CHN2: variants seen among roughly 807,000 people sequenced by gnomAD.
The protein encoded by CHN2 is beta-chimaerin.
CHN2 carries 35 observed loss-of-function variants against 56.3 expected under a neutral mutation model. That is an observed-to-expected ratio of 0.62 (90% CI 0.47 to 0.82). The LOEUF is 0.82. CHN2 is among the 40% of genes least tolerant of loss of function. The probability of loss-of-function intolerance (pLI) is 0.00; values close to 1 mark genes in which losing one functional copy is unlikely to be tolerated. For synonymous variants in CHN2, 210 were observed against 212.8 expected (o/e 0.99, Z 0.12); for missense variants, 491 against 580.5 (o/e 0.85, Z 1.58).
chr7:29,379,268 A>G (rs1800310344), intron 3 of CHN2, among the ~76,000 whole-genome samples: 1 of 152,182 alleles, frequency 6.6e-6, no homozygotes, highest in African/African-American at 2.4e-5. Flanking sequence ...ACTTCAAGAG[A>G]TGGAAGCCTG....
chr7:29,169,482 T>C (rs1028130614), intron 2 of CHN2, among the ~76,000 whole-genome samples: 3 of 152,238 alleles, frequency 2.0e-5, no homozygotes, highest in African/African-American at 7.2e-5. Context: ...AATAATGTTA[T>C]GTTAAAAATA....
intron 1 of CHN2, among the ~76,000 whole-genome samples, chr7:29,336,594 CA>C (rs141887246): frequency 1.3e-5 from 2 of 150,566 alleles, no homozygotes; most frequent in Non-Finnish European, 1.5e-5. Flanking sequence ...CCTGTCTCTA[CA>C]AAAAAAAATT....
At chr7:29,311,673 C>T (rs1794612956) in intron 1 of CHN2, among the ~76,000 whole-genome samples, 2 of 152,224 alleles carry the variant, frequency 1.3e-5, no homozygotes, top group African/African-American at 4.8e-5. Context: ...TGTCTCTCTT[C>T]CCCTACCACA....
intron 1 of CHN2, among the ~76,000 whole-genome samples, chr7:29,266,304 A>G (rs1158415633): frequency 2.6e-5 from 4 of 152,226 alleles, no homozygotes; most frequent in Non-Finnish European, 2.9e-5. Flanking sequence ...CATTCCGTCA[A>G]CACCGACAAA....
At chr7:29,422,428 G>T (rs532795448) in intron 6 of CHN2, among the ~76,000 whole-genome samples, 1 of 152,320 alleles carries the variant, frequency 6.6e-6, no homozygotes, top group South Asian at 2.1e-4. Context: ...CTCTGACTGT[G>T]ATGTTTCCTG....
At chr7:29,303,176 C>T (rs980462517) in intron 1 of CHN2, among the ~76,000 whole-genome samples, 19 of 152,212 alleles carry the variant, frequency 1.2e-4, no homozygotes, top group African/African-American at 3.1e-4. Flanking sequence ...TGCTGGCCCA[C>T]GTTCCCCACA....
intron 6 of CHN2, among the ~76,000 whole-genome samples, chr7:29,473,570 A>G (rs375975345): frequency 6.7e-6 from 1 of 149,178 alleles, no homozygotes; most frequent in South Asian, 2.1e-4. Context: ...GGAGTCCTCA[A>G]AGTGTGGCCC....
In CHN2 at chr7:29,499,966, C is replaced by A. The variant is rs1789767123; in HGVS notation, c.839C>A (p.Thr280Lys). Residue 280 changes from threonine to lysine, a missense_variant, in exon 9 of 13, where the codon ACA becomes AAA. By Grantham distance (78) the Thr-to-Lys change is moderately conservative (BLOSUM62 -1). Transcript: ENST00000222792. ...RIKKVYCCDL[T>K]TLVKAHNTQR... The stretch of plus-strand genomic sequence containing the variant: ...AAGAAAGTGTACTGTTGTGACCTCA[C>A]AACACTTGTGAAGGCTCACAACACT... 1 of 1,610,490 alleles carries A rather than the reference C, an allele frequency of 6.2e-7. No individual in the cohort carries two copies. The highest frequency in any genetic ancestry group is 1.3e-5 in the African/African-American group (1 of 74,736).
At chr7:29,320,335 C>T (rs1449747903) in intron 1 of CHN2, among the ~76,000 whole-genome samples, 2 of 152,102 alleles carry the variant, frequency 1.3e-5, no homozygotes, top group Non-Finnish European at 2.9e-5. Context: ...GGAAGATATC[C>T]ATTTGTCACC....
At chr7:29,458,953 T>G (rs1250437613) in intron 6 of CHN2, among the ~76,000 whole-genome samples, 2 of 152,208 alleles carry the variant, frequency 1.3e-5, no homozygotes, top group African/African-American at 4.8e-5. Flanking sequence ...GAAGATGAAA[T>G]TCAACCAGTT....
intron 6 of CHN2, among the ~76,000 whole-genome samples, chr7:29,441,446 A>G (rs1451150193): frequency 6.6e-6 from 1 of 152,252 alleles, no homozygotes; most frequent in African/African-American, 2.4e-5. Context: ...AGAGCAAGAA[A>G]GAAACATAGA....
chr7:29,316,517 G>T (rs2128890871), intron 1 of CHN2, among the ~76,000 whole-genome samples: 1 of 152,262 alleles, frequency 6.6e-6, no homozygotes, highest in South Asian at 2.1e-4. Context: ...TTCTGACACA[G>T]TTCAGTATCA....
At position 29,293,377 on chromosome 7, in the gene CHN2, C is replaced by G. The variant is rs532377470; in HGVS notation, c.50-61248C>G. Among the ~76,000 whole-genome samples, 696 of 88,204 alleles carry G rather than the reference C, an allele frequency of 7.9e-3. 13 individuals are homozygous for G. Among genetic ancestry groups the G allele is most frequent in the Middle Eastern group, 0.014 (2 of 140 alleles). The allele number at this position is 88,204 out of a possible 152,430, so 57.9% of individuals were successfully genotyped here. On this transcript the variant is annotated intron_variant, in intron 1 of 12. Transcript: ENST00000222792. ...GGCAGCTAATGCCCCCCCCCCCCCCCATATTAACTCCAAGGTCCACTCTCA... is the reference window on the plus strand; with the variant it reads ...GGCAGCTAATGCCCCCCCCCCCCCCGATATTAACTCCAAGGTCCACTCTCA...
intron 1 of CHN2, among the ~76,000 whole-genome samples, chr7:29,259,403 G>C (rs1028403471): frequency 7.2e-5 from 11 of 152,084 alleles, no homozygotes; most frequent in African/African-American, 2.7e-4. Context: ...ATGTGTGAGT[G>C]TGGAGAGATC....
intron 1 of CHN2, among the ~76,000 whole-genome samples, chr7:29,264,901 A>G (rs1468433801): frequency 6.8e-6 from 1 of 146,272 alleles, no homozygotes; most frequent in Non-Finnish European, 1.5e-5. Context: ...TAATTTAGGT[A>G]GAGTAAATCA....
chr7:29,183,097 T>G (rs1798261683), intron 2 of CHN2, among the ~76,000 whole-genome samples: 1 of 151,836 alleles, frequency 6.6e-6, no homozygotes, highest in African/African-American at 2.4e-5. Context: ...TTTTTTTTTT[T>G]TTTTGAAACG....
chr7:29,172,753 C>T (rs1796766108), intron 2 of CHN2, among the ~76,000 whole-genome samples: 1 of 151,986 alleles, frequency 6.6e-6, no homozygotes, highest in Non-Finnish European at 1.5e-5. Flanking sequence ...GAAGTAAAAC[C>T]TTAACATTTT....
intron 1 of CHN2, among the ~76,000 whole-genome samples, chr7:29,230,260 G>A (rs900431219): frequency 2.0e-5 from 3 of 152,148 alleles, no homozygotes; most frequent in Admixed American, 6.5e-5. Context: ...TTCTAGGGAC[G>A]CACATGGTAT....
rs143434485 is a variant in CHN2, at chr7:29,509,451, G to A, written c.1235+45G>A. 86 of 1,456,546 alleles carry A rather than the reference G, an allele frequency of 5.9e-5. No individual in the cohort carries two copies. In the East Asian group the frequency reaches 5.9e-4, roughly 10 times the overall value. The allele number at this position is 1,456,546 out of a possible 1,614,324, so 90.2% of individuals were successfully genotyped here. A position where few individuals can be genotyped will look rare whatever the true frequency, so the allele number is the denominator to read the frequency against. ...ACAAAGCCTGCTCTGCTCCTAGAGC[G>A]GTTAATGCATGAGGAAAAGTGGACG... On this transcript the variant is annotated intron_variant, in intron 12 of 12. Coordinates refer to ENST00000222792, the MANE Select transcript of CHN2 (RefSeq NM_004067.4).
Sources: gnomAD v4.1 joint callset for allele counts (sites outside exome capture counted in the v4.1 genomes callset) on GRCh38, gnomAD v4.1.1 for gene constraint, MANE v1.5 for transcripts, NCBI Gene and HGNC (gene_info 2026-07-23, HGNC 2026-07-21) for gene names.